Variants in PCDH11X observed in about 807,000 individuals in gnomAD.
PCDH11X encodes the protein protocadherin-11 X-linked.
Under a neutral mutation model 53.3 loss-of-function variants are expected in PCDH11X, and 18 were observed. The ratio of observed to expected loss-of-function variants is 0.34; its 90% confidence interval spans 0.23 to 0.50. PCDH11X has a LOEUF of 0.50. Ranked by LOEUF, PCDH11X falls within the 20% of genes least tolerant of loss-of-function variation. The pLI is 0.98. For synonymous variants in PCDH11X, 279 were observed against 393.3 expected, an observed-to-expected ratio of 0.71 and a Z score of 3.44; for missense variants, 570 against 1,032.4, an observed-to-expected ratio of 0.55 and a Z score of 6.14.
chrX:92,355,597 A>G (rs1420702658), intron 8 of PCDH11X, among the ~76,000 whole-genome samples: 4 of 104,827 alleles, frequency 3.8e-5, no homozygotes, highest in Non-Finnish European at 7.7e-5. Flanking sequence ...TTTAACATGA[A>G]TTGTTTCTTC....
chrX:92,277,152 C>A, intron 8 of PCDH11X, among the ~76,000 whole-genome samples: 1 of 109,389 alleles, frequency 9.1e-6, no homozygotes, highest in African/African-American at 3.3e-5. Context: ...CTCAGTGACG[C>A]TTGGGGTTGG....
chrX:92,521,325 T>C (rs2074366208), intron 10 of PCDH11X, among the ~76,000 whole-genome samples: 1 of 112,144 alleles, frequency 8.9e-6, no homozygotes, highest in South Asian at 3.7e-4. Context: ...ACAACTTTAA[T>C]CTGCTCGCAT....
rs1313261712 is a variant in PCDH11X, at chrX:91,878,206, A to G, written c.1966A>G (p.Ser656Gly). The change falls in exon 6 of 11, where the codon AGT (serine) becomes GGT (glycine). Residue 656 changes from serine to glycine, a missense_variant. Coordinates refer to ENST00000682573, the MANE Select transcript of PCDH11X (RefSeq NM_032968.5). ...EDGGRVSRSS[S>G]AKVTINVVDV... is the part of the protein sequence containing the mutation. ...TGGTGGTAGAGTATCACGTTCTTCA[A>G]GTGCCAAAGTAACCATAAATGTGGT... 1 of 1,209,281 alleles carries G rather than the reference A, an allele frequency of 8.3e-7. No homozygotes were observed. Among genetic ancestry groups the G allele is most frequent in the Non-Finnish European group, 1.1e-6 (1 of 894,202 alleles).
intron 6 of PCDH11X, among the ~76,000 whole-genome samples, chrX:92,194,024 C>A (rs1303396193): frequency 9.0e-6 from 1 of 111,606 alleles, no homozygotes; most frequent in Non-Finnish European, 1.9e-5. Context: ...AGAGACTCGC[C>A]CAGGTACTAC....
intron 9 of PCDH11X, 59 bp downstream of exon 9, chrX:92,387,992 G>A: frequency 1.7e-6 from 2 of 1,186,571 alleles, no homozygotes; most frequent in South Asian, 1.8e-5. Flanking sequence ...TGCAACTCAA[G>A]CTATCATAGC....
In PCDH11X at chrX:92,155,690, C is replaced by G. The variant is rs34914227; in HGVS notation, c.3034-45685C>G. ...CGCCCAGCCTGGAGTGCAGTGGCGC[C>G]ATCTCGGCTCACTGCAAGCTCCACC... is the stretch of plus-strand genomic sequence containing the variant. On this transcript the variant is annotated intron_variant, in intron 6 of 10. Transcript: ENST00000682573. Among the ~76,000 whole-genome samples the G allele has an allele frequency of 7.9e-3, 820 of 104,055 alleles. 2 individuals are homozygous for G. Among genetic ancestry groups the G allele is most frequent in the Non-Finnish European group, 0.011 (551 of 51,355 alleles). 90.4% of individuals were successfully genotyped at this position (104,055 alleles called of 115,157 possible). A position where few individuals can be genotyped will look rare whatever the true frequency, so the allele number is the denominator to read the frequency against.
intron 5 of PCDH11X, among the ~76,000 whole-genome samples, chrX:91,870,096 G>A (rs1939200587): frequency 9.0e-6 from 1 of 111,298 alleles, no homozygotes; most frequent in South Asian, 3.7e-4. Context: ...CAAAATCAAG[G>A]GAAGAATAGA....
chrX:92,596,344 C>A (rs1925599910), intron 10 of PCDH11X, among the ~76,000 whole-genome samples: 1 of 109,401 alleles, frequency 9.1e-6, no homozygotes, highest in Admixed American at 9.8e-5. Context: ...TGACCAACAT[C>A]TTAAGAATAA....
intron 10 of PCDH11X, among the ~76,000 whole-genome samples, chrX:92,610,284 G>A (rs1436777858): frequency 9.0e-6 from 1 of 110,831 alleles, no homozygotes; most frequent in Non-Finnish European, 1.9e-5. Context: ...TTTAATAATA[G>A]CTATTCTGAC....
intron 9 of PCDH11X, among the ~76,000 whole-genome samples, chrX:92,415,176 T>G (rs1325768373): frequency 9.0e-6 from 1 of 111,568 alleles, no homozygotes; most frequent in Non-Finnish European, 1.9e-5. Context: ...GCATTCATCA[T>G]TACCCATTCA....
At chrX:91,871,930 C>G (rs886792016) in intron 5 of PCDH11X, among the ~76,000 whole-genome samples, 1 of 111,163 alleles carries the variant, frequency 9.0e-6, no homozygotes, top group Admixed American at 9.6e-5. Context: ...AAAGTCCATG[C>G]ATTTTTCATG....
intron 10 of PCDH11X, among the ~76,000 whole-genome samples, chrX:92,551,086 T>C (rs1461435070): frequency 2.7e-5 from 3 of 111,038 alleles, no homozygotes; most frequent in Non-Finnish European, 3.8e-5. Flanking sequence ...ATTTCCTTTC[T>C]TTTTGGTATA....
chrX:92,250,615 T>TA (rs2067440689), intron 7 of PCDH11X, among the ~76,000 whole-genome samples: 1 of 81,141 alleles, frequency 1.2e-5, no homozygotes, highest in Non-Finnish European at 2.8e-5. Flanking sequence ...ATATATAAAA[T>TA]AATATGTATA....
intron 10 of PCDH11X, among the ~76,000 whole-genome samples, chrX:92,538,101 C>A (rs868853993): frequency 4.7e-5 from 5 of 105,539 alleles, no homozygotes; most frequent in African/African-American, 1.7e-4. Flanking sequence ...AAATTTACTT[C>A]TTTATCATTG....
At chrX:92,531,218 C>T (rs1294811246) in intron 10 of PCDH11X, among the ~76,000 whole-genome samples, 2 of 110,963 alleles carry the variant, frequency 1.8e-5, no homozygotes, top group Non-Finnish European at 3.8e-5. Flanking sequence ...GTAAGTAAAA[C>T]TCTGCAGTGT....
intron 1 of PCDH11X, among the ~76,000 whole-genome samples, chrX:91,789,063 GTCT>G (rs1935430857): frequency 2.8e-5 from 3 of 107,237 alleles, no homozygotes; most frequent in African/African-American, 1.0e-4. Flanking sequence ...TTAGCTGGGC[GTCT>G]TGCTGCGCGC....
At chrX:92,194,967 C>T (rs2066269126) in intron 6 of PCDH11X, among the ~76,000 whole-genome samples, 1 of 111,412 alleles carries the variant, frequency 9.0e-6, no homozygotes, top group Admixed American at 9.6e-5. Context: ...GGAAATCATG[C>T]TGTGCTATGT....
chrX:92,445,876 A>T (rs2072630947), intron 9 of PCDH11X, among the ~76,000 whole-genome samples: 1 of 111,360 alleles, frequency 9.0e-6, no homozygotes, highest in African/African-American at 3.3e-5. Context: ...CAGCAGTGTC[A>T]CAAATAACTA....
At chrX:92,353,825 C>T (rs2070120765) in intron 8 of PCDH11X, among the ~76,000 whole-genome samples, 2 of 110,466 alleles carry the variant, frequency 1.8e-5, no homozygotes, top group Admixed American at 2.0e-4. Context: ...ATTATCTTTA[C>T]ATTTGAATGG....
Sources: allele counts gnomAD v4.1 joint callset (sites outside exome capture counted in the v4.1 genomes callset), GRCh38; gene constraint gnomAD v4.1.1; transcripts MANE v1.5; gene names NCBI Gene and HGNC (gene_info 2026-07-23, HGNC 2026-07-21).